ARHGEF10L: variants seen among roughly 807,000 people sequenced by gnomAD.
The protein encoded by ARHGEF10L is Rho guanine nucleotide exchange factor 10 like, also known as rho guanine nucleotide exchange factor 10-like protein.
Under a neutral mutation model 141.2 loss-of-function variants are expected in ARHGEF10L, and 69 were observed. The ratio of observed to expected loss-of-function variants is 0.49; its 90% confidence interval spans 0.40 to 0.60. ARHGEF10L has a LOEUF of 0.60. Among genes scored for constraint, ARHGEF10L ranks in the 20% least tolerant of loss-of-function variants. The pLI is 0.00. For synonymous variants in ARHGEF10L, 711 were observed against 718.5 expected (o/e 0.99, Z 0.17); for missense variants, 1,482 against 1,734.3 (o/e 0.85, Z 2.58).
At chr1:17,527,849 TTTTCTTTC>T in the ARHGEF10L span, among the ~76,000 whole-genome samples, 50,202 of 133,170 alleles carry the variant, frequency 0.38, 10,185 homozygotes, top group Non-Finnish European at 0.43. Context: ...TTCCTCTTGC[TTTTCTTTC>T]TTTCTTTCTT....
chr1:17,588,254 T>G (rs2079194386), intron 3 of ARHGEF10L, among the ~76,000 whole-genome samples, 192 bp from the exon 4 acceptor site: 2 of 40,728 alleles, frequency 4.9e-5, no homozygotes, highest in African/African-American at 2.0e-4. Flanking sequence ...TGGGTGGGGG[T>G]GGTGCAGGCC....
At chr1:17,647,805 A>G (rs1021073859) in intron 21 of ARHGEF10L, among the ~76,000 whole-genome samples, 1 of 152,138 alleles carries the variant, frequency 6.6e-6, no homozygotes, top group African/African-American at 2.4e-5. Context: ...AGGAGGGGAC[A>G]TGTGAGCAGA....
chr1:17,624,134 C>T (rs572352395), intron 12 of ARHGEF10L, among the ~76,000 whole-genome samples: 4 of 152,306 alleles, frequency 2.6e-5, no homozygotes, highest in African/African-American at 9.6e-5. Flanking sequence ...CGAAGGTCCC[C>T]TGGGCTCTCC....
At position 17,599,240 on chromosome 1, in the gene ARHGEF10L, A is replaced by T. The variant is rs566319501; in HGVS notation, c.258-2887A>T. ...AGTCCCATCTACTTGGAAGGCTAAG[A>T]TGGGAGAATTGCTTAAATCCAGGAG... On this transcript the variant is annotated intron_variant, in intron 4 of 28. Coordinates refer to ENST00000361221, the MANE Select transcript of ARHGEF10L (RefSeq NM_018125.4). Among the ~76,000 whole-genome samples, 7 of 151,740 alleles carry T rather than the reference A, an allele frequency of 4.6e-5. No homozygotes were observed. The South Asian group carries it at 1.3e-3, about 27-fold the overall frequency.
the ARHGEF10L span, among the ~76,000 whole-genome samples, chr1:17,528,982 A>T: frequency 6.6e-6 from 1 of 152,006 alleles, no homozygotes; most frequent in Non-Finnish European, 1.5e-5. Context: ...GGTGATATAG[A>T]TGATGATGAT....
At chr1:17,696,489 A>C (rs1174465569) in intron 28 of ARHGEF10L, among the ~76,000 whole-genome samples, 2 of 152,152 alleles carry the variant, frequency 1.3e-5, no homozygotes, top group Non-Finnish European at 2.9e-5. Context: ...GCATGAATTC[A>C]GGAGGGATTC....
rs577152240 is a variant in ARHGEF10L at position 17,599,996 on chromosome 1, G to A, written c.258-2131G>A. ...GGATAGGACAGGCAGGAGCATTCTC[G>A]CCACCACCACCGCTCTGCTTATTAT... On this transcript the variant is annotated intron_variant, in intron 4 of 28. Coordinates refer to ENST00000361221, the MANE Select transcript of ARHGEF10L (RefSeq NM_018125.4). Among the ~76,000 whole-genome samples the A allele has an allele frequency of 8.1e-3, 1,238 of 152,290 alleles. 12 individuals are homozygous for A. The highest frequency in any genetic ancestry group is 0.013 in the South Asian group (63 of 4,826).
intron 1 of ARHGEF10L, among the ~76,000 whole-genome samples, chr1:17,541,285 C>T (rs1262172604): frequency 1.3e-5 from 2 of 152,278 alleles, no homozygotes; most frequent in Non-Finnish European, 2.9e-5. Context: ...AGCCACAGTG[C>T]TCTGAGGGTT....
Position 17,602,160 on chromosome 1 carries a change from GGAC to G in ARHGEF10L, c.293_295del (p.Asp98del). 6.3e-7 allele frequency: 1 copy of G among 1,582,758 alleles called. No homozygotes were observed. The highest frequency in any genetic ancestry group is 8.6e-7 in the Non-Finnish European group (1 of 1,164,428). On this transcript the variant is annotated inframe_deletion, in exon 5 of 29. Transcript: ENST00000361221. Reference sequence around the variant, plus strand: ...CCTGGGTGAGCAATGGGGATGCAGCGGACGCAGCCTTCTCCGGGGCCCGGCACT... The same window carrying G: ...CCTGGGTGAGCAATGGGGATGCAGCGGCAGCCTTCTCCGGGGCCCGGCACT...
At chr1:17,663,114 T>G (rs1418533778) in intron 25 of ARHGEF10L, among the ~76,000 whole-genome samples, 2 of 152,054 alleles carry the variant, frequency 1.3e-5, no homozygotes, top group East Asian at 3.9e-4. Flanking sequence ...GAAGAAACAA[T>G]CTTGGCGCGC....
intron 4 of ARHGEF10L, among the ~76,000 whole-genome samples, chr1:17,592,107 G>A (rs893176163): frequency 6.6e-6 from 1 of 152,130 alleles, no homozygotes; most frequent in Non-Finnish European, 1.5e-5. Flanking sequence ...GGGGAGTCGT[G>A]GTTGAAAGAG....
At chr1:17,588,077 T>G (rs1385093710) in intron 3 of ARHGEF10L, among the ~76,000 whole-genome samples, 4 of 152,196 alleles carry the variant, frequency 2.6e-5, no homozygotes, top group Non-Finnish European at 5.9e-5. Flanking sequence ...TTCTGGGCTC[T>G]TAGAGTCTGT....
At chr1:17,575,268 T>G (rs528819551) in intron 1 of ARHGEF10L, among the ~76,000 whole-genome samples, 1 of 152,340 alleles carries the variant, frequency 6.6e-6, no homozygotes, top group East Asian at 1.9e-4. Flanking sequence ...GTTGGCCCCC[T>G]ATCAGCTGCA....
rs2077412112 is a variant in ARHGEF10L, at chr1:17,558,159, AT to A, written c.-44+18210del. Among the ~76,000 whole-genome samples the A allele has an allele frequency of 6.6e-6, 1 of 151,616 alleles. No individual in the cohort carries two copies. The highest frequency in any genetic ancestry group is 2.1e-4 in the South Asian group (1 of 4,790). ...CATCCATTCATCCATTTATCCATCC[AT>A]CCATCTATGCATCCATCCATCCATC... On this transcript the variant is annotated intron_variant, in intron 1 of 28. Transcript: ENST00000361221. This position sits in a 1 kb window ranked among gnomAD's most constrained non-coding sequence, Gnocchi z 4.2.
intron 7 of ARHGEF10L, among the ~76,000 whole-genome samples, chr1:17,609,749 G>T (rs1328212741): frequency 2.0e-5 from 3 of 152,188 alleles, no homozygotes; most frequent in Non-Finnish European, 4.4e-5. Flanking sequence ...TTGGAGCTGG[G>T]CTTAGGAGCT....
chr1:17,612,555 T>G (rs2101116829), intron 7 of ARHGEF10L, among the ~76,000 whole-genome samples: 1 of 152,336 alleles, frequency 6.6e-6, no homozygotes, highest in African/African-American at 2.4e-5. Context: ...CAAACTCTTC[T>G]TCTACCCTTC....
At chr1:17,571,423 G>A (rs1042988726) in intron 1 of ARHGEF10L, among the ~76,000 whole-genome samples, 2 of 152,164 alleles carry the variant, frequency 1.3e-5, no homozygotes, top group Admixed American at 6.5e-5. Context: ...GACAGGAGAC[G>A]GAGCATGGGC....
chr1:17,687,865 T>G, intron 27 of ARHGEF10L, 118 bp downstream of exon 27: 3 of 1,170,698 alleles, frequency 2.6e-6, no homozygotes. Context: ...AAACTGGGGC[T>G]TTAATTTGGG....
chr1:17,517,245 A>G, the ARHGEF10L span, among the ~76,000 whole-genome samples: 1 of 152,356 alleles, frequency 6.6e-6, no homozygotes, highest in South Asian at 2.1e-4. Context: ...TTTAGCTCTG[A>G]GAATCCTCAG....
Sources: gnomAD v4.1 joint callset for allele counts (sites outside exome capture counted in the v4.1 genomes callset) on GRCh38, gnomAD v4.1.1 for gene constraint, Gnocchi (gnomAD v3.1) non-coding constraint, MANE v1.5 for transcripts, NCBI Gene and HGNC (gene_info 2026-07-23, HGNC 2026-07-21) for gene names.